Variants in GPHN observed in about 807,000 individuals in gnomAD.
GPHN encodes gephyrin.
A neutral mutation model predicts 95.5 loss-of-function variants in GPHN; 17 were observed. The observed-to-expected ratio is 0.18, with a 90% CI of 0.12 to 0.27. GPHN has a LOEUF of 0.27. Ranked by LOEUF, GPHN falls within the 10% of genes least tolerant of loss-of-function variation. The pLI, the probability that GPHN is intolerant of heterozygous loss-of-function variation, is 1.00. For synonymous variants in GPHN, 320 were observed against 322.5 expected, an observed-to-expected ratio of 0.99 and a Z score of 0.08; for missense variants, 660 against 978.1, an observed-to-expected ratio of 0.67 and a Z score of 4.34.
chr14:66,602,959 C>T (rs941211763), intron 1 of GPHN, among the ~76,000 whole-genome samples: 2 of 151,900 alleles, frequency 1.3e-5, no homozygotes, highest in Non-Finnish European at 2.9e-5. Flanking sequence ...TTCCCCTCCT[C>T]TCCCAAGAAG....
At chr14:67,031,847 A>AG (rs2074211023) in intron 10 of GPHN, among the ~76,000 whole-genome samples, 1 of 152,054 alleles carries the variant, frequency 6.6e-6, no homozygotes, top group Non-Finnish European at 1.5e-5. Context: ...TTATATGAAA[A>AG]GTTGCATCAT....
At chr14:67,716,053 C>G in the GPHN span, among the ~76,000 whole-genome samples, 1 of 151,926 alleles carries the variant, frequency 6.6e-6, no homozygotes, top group African/African-American at 2.4e-5. Context: ...AAAAATTAGC[C>G]GGGGGTGGTA....
At chr14:67,217,786 A>T in the GPHN span, among the ~76,000 whole-genome samples, 1 of 151,998 alleles carries the variant, frequency 6.6e-6, no homozygotes, top group Non-Finnish European at 1.5e-5. Flanking sequence ...TCTTTTTCTG[A>T]CATTTTCTAT....
intron 5 of GPHN, among the ~76,000 whole-genome samples, chr14:66,911,322 GA>G (rs1312015697): frequency 6.6e-6 from 1 of 151,874 alleles, no homozygotes; most frequent in East Asian, 1.9e-4. Context: ...GGAGGGTGAT[GA>G]AAATGTTCTA....
At chr14:67,579,597 C>A in the GPHN span, 2 of 947,118 alleles carry the variant, frequency 2.1e-6, no homozygotes, top group South Asian at 1.7e-5. Flanking sequence ...CAGAAACCAA[C>A]TTGCTTTGGC....
At chr14:67,010,119 A>C (rs997080894) in intron 9 of GPHN, among the ~76,000 whole-genome samples, 2 of 152,126 alleles carry the variant, frequency 1.3e-5, no homozygotes, top group African/African-American at 4.8e-5. Flanking sequence ...GAATATAGAT[A>C]AGCAAAGAGA....
At chr14:67,575,562 C>G in the GPHN span, 1 of 824,898 alleles carries the variant, frequency 1.2e-6, no homozygotes, top group East Asian at 2.6e-5. Flanking sequence ...GTCCCTACCC[C>G]ACGTAACCCC....
At position 67,001,019 on chromosome 14, in the gene GPHN, G is replaced by A. The variant is rs577304820; in HGVS notation, c.964-22614G>A. ...AATGATCATTTACAATATAAAAGAGGTCATCAGTGAAAATAGGGCAAGAAA... is the reference window on the plus strand; with the variant it reads ...AATGATCATTTACAATATAAAAGAGATCATCAGTGAAAATAGGGCAAGAAA... On this transcript the variant is annotated intron_variant, in intron 9 of 22. Transcript: ENST00000478722. Among the ~76,000 whole-genome samples, 598 of 151,652 alleles carry A rather than the reference G, an allele frequency of 3.9e-3. 2 individuals are homozygous for A. The highest frequency in any genetic ancestry group is 6.6e-3 in the Non-Finnish European group (449 of 67,574).
chr14:66,816,814 C>CA (rs1443085457), intron 3 of GPHN, among the ~76,000 whole-genome samples: 1 of 151,952 alleles, frequency 6.6e-6, no homozygotes, highest in African/African-American at 2.4e-5. Flanking sequence ...AAGCTGAACT[C>CA]AAAGAGATTG....
intron 9 of GPHN, among the ~76,000 whole-genome samples, chr14:66,979,141 A>G (rs1049226418): frequency 4.6e-5 from 7 of 152,216 alleles, no homozygotes; most frequent in African/African-American, 1.4e-4. Flanking sequence ...CTTAAAGGCC[A>G]TAGTACTTCC....
chr14:66,622,093 C>T (rs983576816), intron 1 of GPHN, among the ~76,000 whole-genome samples: 5 of 152,208 alleles, frequency 3.3e-5, no homozygotes, highest in Non-Finnish European at 7.3e-5. Context: ...TCTGCCTGGA[C>T]ATCCAGGTAT....
chr14:66,889,484 A>G (rs1411634196), intron 5 of GPHN, among the ~76,000 whole-genome samples: 1 of 152,198 alleles, frequency 6.6e-6, no homozygotes, highest in Non-Finnish European at 1.5e-5. Flanking sequence ...AAAATTTACA[A>G]ATATGTGAAA....
intron 13 of GPHN, among the ~76,000 whole-genome samples, chr14:67,102,892 T>C (rs2077797451): frequency 6.6e-6 from 1 of 152,186 alleles, no homozygotes; most frequent in African/African-American, 2.4e-5. Flanking sequence ...CATGCAACTC[T>C]CTGAAGCTAA....
the GPHN span, chr14:67,359,581 T>C: frequency 6.6e-7 from 1 of 1,524,984 alleles, no homozygotes. Context: ...GGACCCTCAC[T>C]GTGGCCCAGG....
the GPHN span, among the ~76,000 whole-genome samples, chr14:67,233,895 A>G: frequency 1.3e-5 from 2 of 152,252 alleles, no homozygotes; most frequent in African/African-American, 2.4e-5. Context: ...TGATAGTTGA[A>G]TACAGGATTC....
chr14:66,933,037 CTATT>C (rs1031653427), intron 8 of GPHN, among the ~76,000 whole-genome samples: 3 of 152,150 alleles, frequency 2.0e-5, no homozygotes, highest in African/African-American at 7.2e-5. Flanking sequence ...CATTGATTAA[CTATT>C]TATTAGCTGG....
chr14:66,922,607 A>G, intron 6 of GPHN, 59 bp from the exon 7 acceptor site: 1 of 1,353,874 alleles, frequency 7.4e-7, no homozygotes, highest in Non-Finnish European at 1.0e-6. Flanking sequence ...GATTGCCACC[A>G]TCTTATATAA....
At chr14:67,062,398 A>T (rs571600795) in intron 11 of GPHN, among the ~76,000 whole-genome samples, 3 of 152,368 alleles carry the variant, frequency 2.0e-5, no homozygotes, top group African/African-American at 7.2e-5. Flanking sequence ...CTGCAATCAC[A>T]GAAGCCCTTA....
At chr14:66,741,614 T>C (rs1279694772) in intron 2 of GPHN, among the ~76,000 whole-genome samples, 1 of 152,230 alleles carries the variant, frequency 6.6e-6, no homozygotes, top group Non-Finnish European at 1.5e-5. Context: ...GTGGCAGCTG[T>C]TGTTACATCA....
Sources: gnomAD v4.1 joint callset for allele counts (sites outside exome capture counted in the v4.1 genomes callset) on GRCh38, gnomAD v4.1.1 for gene constraint, MANE v1.5 for transcripts, NCBI Gene and HGNC (gene_info 2026-07-23, HGNC 2026-07-21) for gene names.